The following DENND5B variants were observed in gnomAD, a reference collection of about 807,000 sequenced individuals.
DENND5B encodes DENN domain containing 5B, also known as DENN domain-containing protein 5B.
A neutral mutation model predicts 140.6 loss-of-function variants in DENND5B; 34 were observed. The ratio of observed to expected loss-of-function variants is 0.24; its 90% CI spans 0.18 to 0.32. The LOEUF is 0.32. DENND5B is among the 10% of genes least tolerant of loss of function. DENND5B has a pLI of 1.00. For missense variants in DENND5B, 1,142 were observed against 1,560.2 expected, an observed-to-expected ratio of 0.73 and a Z score of 4.52; for synonymous variants, 551 against 562.1, an observed-to-expected ratio of 0.98 and a Z score of 0.28.
At chr12:31,445,204 A>ATT (rs1415049936) in intron 6 of DENND5B, among the ~76,000 whole-genome samples, 5 of 152,212 alleles carry the variant, frequency 3.3e-5, no homozygotes, top group Admixed American at 2.6e-4. Context: ...ATTGTATAAA[A>ATT]TAAGTGTGGA....
At position 31,403,382 on chromosome 12, in the gene DENND5B, T is replaced by C. The variant is rs1244325939; in HGVS notation, c.2804-739A>G. Among the ~76,000 whole-genome samples, 4 of 41,450 alleles carry C rather than the reference T, an allele frequency of 9.7e-5. No homozygotes were observed. In the East Asian group the frequency reaches 3.5e-3, roughly 36 times the overall value. The allele number at this position is 41,450 out of a possible 152,430, so 27.2% of individuals were successfully genotyped here. A position where few individuals can be genotyped will look rare whatever the true frequency, so the allele number is the denominator to read the frequency against. ...AGATGTTATGCATGTCCTCCCTTCT[T>C]TTTTTTTCTTTTTTTTTTTTGCCAA... is the stretch of plus-strand genomic sequence containing the variant. On this transcript the variant is annotated intron_variant, in intron 14 of 20. Coordinates refer to ENST00000389082, the MANE Select transcript of DENND5B (RefSeq NM_144973.4).
chr12:31,447,589 G>T lies in DENND5B; in HGVS notation c.1810C>A (p.Pro604Thr). The change falls in exon 6 of 21, where the codon CCC becomes ACC. Residue 604 changes from proline (P) to threonine (T), a missense_variant. Around this residue, in one of 5 missense-constraint regions of DENND5B, gnomAD observed 708 missense variants for 905.5 expected, o/e 0.78. Coordinates refer to ENST00000389082, the MANE Select transcript of DENND5B (RefSeq NM_144973.4). ...TGATATATAGATGTCCGCAAGGTGG[G>T]TGCCCTTACATTATACAGCCTTATC... Reference protein sequence around the residue: ...DKIRLYNVRAPTLRTSIYQKC... With the variant: ...DKIRLYNVRATTLRTSIYQKC... The T allele has an allele frequency of 1.2e-6, 2 of 1,613,880 alleles. No homozygotes were observed. Among genetic ancestry groups the T allele is most frequent in the Non-Finnish European group, 1.7e-6 (2 of 1,179,868 alleles).
intron 1 of DENND5B, among the ~76,000 whole-genome samples, chr12:31,580,271 T>C (rs1205243632): frequency 6.6e-6 from 1 of 152,140 alleles, no homozygotes; most frequent in Non-Finnish European, 1.5e-5. Context: ...CTTGCTTGCA[T>C]ATACCTGGTA....
chr12:31,544,213 C>T (rs1592016760), intron 1 of DENND5B, among the ~76,000 whole-genome samples: 1 of 151,658 alleles, frequency 6.6e-6, no homozygotes, highest in South Asian at 2.1e-4. Context: ...CTTTAATACA[C>T]ATTAAAATAC....
chr12:31,399,816 C>G, intron 15 of DENND5B, 44 bp from the exon 16 acceptor site: 1 of 1,465,850 alleles, frequency 6.8e-7, no homozygotes, highest in Middle Eastern at 1.7e-4. Context: ...CAATCCCATC[C>G]TGTTACATCT....
intron 1 of DENND5B, among the ~76,000 whole-genome samples, chr12:31,581,684 ACT>A (rs1476814574): frequency 2.5e-5 from 3 of 120,314 alleles, no homozygotes; most frequent in African/African-American, 1.0e-4. Context: ...CAACAGGGAA[ACT>A]CTGTCTCAAA....
intron 1 of DENND5B, among the ~76,000 whole-genome samples, chr12:31,503,091 T>C (rs181270802): frequency 2.4e-4 from 36 of 152,258 alleles, no homozygotes; most frequent in Admixed American, 2.3e-3. Flanking sequence ...TTGTTACATA[T>C]GGGACTAGCA....
chr12:31,388,168 G>C (rs1211586188), intron 20 of DENND5B, among the ~76,000 whole-genome samples: 3 of 149,014 alleles, frequency 2.0e-5, no homozygotes, highest in African/African-American at 7.4e-5. Context: ...CTGTGGCAAG[G>C]CATGCCACAG....
Position 31,423,654 on chromosome 12 carries a change from G to A in DENND5B, c.2413C>T (p.His805Tyr). 2 of 1,613,884 alleles carry A rather than the reference G, an allele frequency of 1.2e-6. No individual in the cohort carries two copies. The highest frequency in any genetic ancestry group is 1.7e-6 in the Non-Finnish European group (2 of 1,179,830). Residue 805 changes from histidine to tyrosine, a missense_variant, in exon 11 of 21, where the codon CAT (histidine) becomes TAT (tyrosine). His to Tyr is a moderately conservative substitution (Grantham distance 83). Around this residue, in one of 5 missense-constraint regions of DENND5B, gnomAD observed 268 missense variants for 349.2 expected, o/e 0.77. Coordinates refer to ENST00000389082, the MANE Select transcript of DENND5B (RefSeq NM_144973.4). ...TCTCTGTCCTGAAATTGAATTAAAT[G>A]TGACCACAAAGCCGACTTCCCCTGA... ...VKQGKSALWS[H>Y]LIQFQDREEK...
intron 7 of DENND5B, among the ~76,000 whole-genome samples, chr12:31,437,112 T>C (rs1251735185): frequency 6.6e-6 from 1 of 151,458 alleles, no homozygotes; most frequent in African/African-American, 2.4e-5. Flanking sequence ...TCAGCCATCT[T>C]ACTGGCAAAG....
intron 14 of DENND5B, among the ~76,000 whole-genome samples, chr12:31,402,939 G>GAATACCTAA (rs1941889849): frequency 6.6e-6 from 1 of 152,194 alleles, no homozygotes; most frequent in South Asian, 2.1e-4. Flanking sequence ...ATTAGCACGA[G>GAATACCTAA]AATACCTAAA....
intron 3 of DENND5B, among the ~76,000 whole-genome samples, chr12:31,461,742 G>C (rs376891434): frequency 2.0e-5 from 3 of 152,174 alleles, no homozygotes; most frequent in Non-Finnish European, 4.4e-5. Context: ...TTGGTTTTCA[G>C]AATTTTTTGG....
chr12:31,467,575 C>T (rs796940380), intron 3 of DENND5B, among the ~76,000 whole-genome samples: 2 of 151,584 alleles, frequency 1.3e-5, no homozygotes, highest in South Asian at 4.2e-4. Context: ...GGAGTTCAGT[C>T]GCATCACTGC....
intron 7 of DENND5B, among the ~76,000 whole-genome samples, chr12:31,437,525 T>C (rs1943834921): frequency 6.6e-6 from 1 of 152,206 alleles, no homozygotes; most frequent in Non-Finnish European, 1.5e-5. Context: ...TATAGATATG[T>C]AATAACAAAC....
chr12:31,549,146 C>T (rs1020457125), intron 1 of DENND5B, among the ~76,000 whole-genome samples: 3 of 152,070 alleles, frequency 2.0e-5, no homozygotes, highest in East Asian at 1.9e-4. Context: ...GTGATCCTTC[C>T]GAGTGGACCT....
At chr12:31,524,832 T>G (rs1948030044) in intron 1 of DENND5B, among the ~76,000 whole-genome samples, 1 of 152,232 alleles carries the variant, frequency 6.6e-6, no homozygotes, top group African/African-American at 2.4e-5. Flanking sequence ...TCCTATCATC[T>G]GAGAGCCCTA....
intron 7 of DENND5B, among the ~76,000 whole-genome samples, chr12:31,436,654 C>T (rs1266924465): frequency 6.6e-6 from 1 of 152,066 alleles, no homozygotes; most frequent in East Asian, 1.9e-4. Flanking sequence ...CCTGCCTCAG[C>T]CTTCCAAGCA....
intron 11 of DENND5B, among the ~76,000 whole-genome samples, chr12:31,419,475 TAA>T (rs1942919784): frequency 6.6e-6 from 1 of 151,762 alleles, no homozygotes; most frequent in Non-Finnish European, 1.5e-5. Flanking sequence ...GAACACAAGT[TAA>T]ACATTTTATT....
intron 5 of DENND5B, among the ~76,000 whole-genome samples, chr12:31,449,175 G>T (rs923886003): frequency 1.3e-5 from 2 of 152,172 alleles, no homozygotes; most frequent in Non-Finnish European, 2.9e-5. Flanking sequence ...AGAGGAAAGA[G>T]AAATAAGTTC....
Sources: allele counts gnomAD v4.1 joint callset (sites outside exome capture counted in the v4.1 genomes callset), GRCh38; gene constraint gnomAD v4.1.1; regional missense constraint gnomAD v4.1.1; transcripts MANE v1.5; gene names NCBI Gene and HGNC (gene_info 2026-07-23, HGNC 2026-07-21).